The following PCDH11X variants were observed in gnomAD, a reference collection of about 807,000 sequenced individuals.
PCDH11X encodes protocadherin-11 X-linked.
Under a neutral mutation model 53.3 loss-of-function variants are expected in PCDH11X, and 18 were observed. The observed-to-expected ratio is 0.34, with a 90% CI of 0.23 to 0.50. PCDH11X has a LOEUF of 0.50. Ranked by LOEUF, PCDH11X falls within the 20% of genes least tolerant of loss-of-function variation. The pLI is 0.98. For missense variants in PCDH11X, 570 were observed against 1,032.4 expected (o/e 0.55, Z 6.14); for synonymous variants, 279 against 393.3 (o/e 0.71, Z 3.44).
intron 6 of PCDH11X, among the ~76,000 whole-genome samples, chrX:91,885,319 T>C (rs964317771): frequency 9.8e-5 from 11 of 111,806 alleles, no homozygotes; most frequent in Non-Finnish European, 2.1e-4. Context: ...TTCAGTTTAG[T>C]TCAAATCATT....
chrX:92,228,114 A>G (rs1466722375), intron 7 of PCDH11X, among the ~76,000 whole-genome samples: 6 of 111,559 alleles, frequency 5.4e-5, no homozygotes, highest in African/African-American at 2.0e-4. Context: ...TGCAGCCAAA[A>G]CATGTTGATC....
At chrX:92,458,650 C>T (rs1327190409) in intron 9 of PCDH11X, among the ~76,000 whole-genome samples, 1 of 111,501 alleles carries the variant, frequency 9.0e-6, no homozygotes. Context: ...CTGTGTCTGA[C>T]TTAATTCACT....
chrX:91,903,255 A>T (rs936264538), intron 6 of PCDH11X, among the ~76,000 whole-genome samples: 5 of 111,434 alleles, frequency 4.5e-5, no homozygotes, highest in African/African-American at 1.6e-4. Flanking sequence ...GGCATTCATC[A>T]TATCTCTAAT....
At chrX:92,458,454 C>A (rs1178692421) in intron 9 of PCDH11X, among the ~76,000 whole-genome samples, 5 of 109,225 alleles carry the variant, frequency 4.6e-5, no homozygotes, top group Non-Finnish European at 9.5e-5. Flanking sequence ...ATTGTGCCAC[C>A]AAATACTAGA....
chrX:92,420,167 A>C (rs2071929944), intron 9 of PCDH11X, among the ~76,000 whole-genome samples: 1 of 111,889 alleles, frequency 8.9e-6, no homozygotes, highest in Non-Finnish European at 1.9e-5. Context: ...AAAATGTGGA[A>C]GTTTTACCAT....
intron 6 of PCDH11X, among the ~76,000 whole-genome samples, chrX:91,963,220 T>C (rs2061816568): frequency 9.0e-6 from 1 of 111,313 alleles, no homozygotes; most frequent in African/African-American, 3.3e-5. Flanking sequence ...GCTTCCCTTT[T>C]CAACATAAGT....
chrX:92,444,516 G>A (rs1188827680), intron 9 of PCDH11X, among the ~76,000 whole-genome samples: 1 of 107,943 alleles, frequency 9.3e-6, no homozygotes, highest in Non-Finnish European at 1.9e-5. Flanking sequence ...TTTCCTATTT[G>A]GTTGACTTTT....
intron 6 of PCDH11X, among the ~76,000 whole-genome samples, chrX:92,190,639 G>A (rs193275384): frequency 7.2e-5 from 8 of 111,560 alleles, no homozygotes; most frequent in African/African-American, 2.6e-4. Flanking sequence ...ATGAGAAAGT[G>A]TTTTGTTTCT....
chrX:91,985,872 G>A (rs2062220533), intron 6 of PCDH11X, among the ~76,000 whole-genome samples: 1 of 105,659 alleles, frequency 9.5e-6, no homozygotes, highest in African/African-American at 3.5e-5. Context: ...TTAAATGCTA[G>A]TATGGAAAAT....
At chrX:92,085,168 G>A (rs866941566) in intron 6 of PCDH11X, among the ~76,000 whole-genome samples, 49 of 110,607 alleles carry the variant, frequency 4.4e-4, no homozygotes, top group Middle Eastern at 4.7e-3. Flanking sequence ...ATTTGGCATG[G>A]TCTGATCAGT....
chrX:92,149,430 A>ACTCTCT (rs199657624), intron 6 of PCDH11X, among the ~76,000 whole-genome samples: 14 of 80,375 alleles, frequency 1.7e-4, no homozygotes, highest in African/African-American at 5.6e-4. Context: ...TCTTTCTCTC[A>ACTCTCT]CTCTCTCTCT....
chrX:92,067,946 C>T (rs1202198277), intron 6 of PCDH11X, among the ~76,000 whole-genome samples: 1 of 110,729 alleles, frequency 9.0e-6, no homozygotes, highest in African/African-American at 3.3e-5. Flanking sequence ...AATTTAAAGG[C>T]ATGTAGTTGC....
chrX:91,955,384 C>T (rs193166073), intron 6 of PCDH11X, among the ~76,000 whole-genome samples: 1,113 of 110,142 alleles, frequency 0.01, 4 homozygotes, highest in Non-Finnish European at 0.016. Flanking sequence ...AGTTGGGTAG[C>T]ATGATGCCTC....
chrX:92,404,535 A>T (rs190397867), intron 9 of PCDH11X, among the ~76,000 whole-genome samples: 1 of 110,873 alleles, frequency 9.0e-6, no homozygotes, highest in Non-Finnish European at 1.9e-5. Flanking sequence ...AATCAGAAAA[A>T]TTTATACAAG....
intron 7 of PCDH11X, among the ~76,000 whole-genome samples, chrX:92,218,922 A>T (rs1459245593): frequency 8.9e-6 from 1 of 111,833 alleles, no homozygotes; most frequent in Non-Finnish European, 1.9e-5. Flanking sequence ...AATCCAGCAT[A>T]TAAACAGAAC....
At chrX:91,893,347 ATT>A (rs58312535) in intron 6 of PCDH11X, among the ~76,000 whole-genome samples, 9 of 88,668 alleles carry the variant, frequency 1.0e-4, no homozygotes, top group African/African-American at 2.1e-4. Context: ...AGAGAACCGC[ATT>A]TTTTTTTTTT....
At chrX:92,059,626 C>T (rs188904742) in intron 6 of PCDH11X, among the ~76,000 whole-genome samples, 252 of 110,847 alleles carry the variant, frequency 2.3e-3, no homozygotes, top group Non-Finnish European at 3.5e-3. Flanking sequence ...TACCTTGGTT[C>T]CTTATATTTT....
intron 6 of PCDH11X, among the ~76,000 whole-genome samples, chrX:92,056,042 G>A (rs2063444354): frequency 9.1e-6 from 1 of 109,611 alleles, no homozygotes; most frequent in African/African-American, 3.3e-5. Context: ...TATTCCTTTT[G>A]GTATATACTT....
At chrX:92,312,157 A>T (rs1217265065) in intron 8 of PCDH11X, among the ~76,000 whole-genome samples, 2 of 111,291 alleles carry the variant, frequency 1.8e-5, no homozygotes, top group East Asian at 5.6e-4. Context: ...GACTTTTTCC[A>T]TTGGTGGTAA....
Sources: gnomAD v4.1 joint callset for allele counts (sites outside exome capture counted in the v4.1 genomes callset) on GRCh38, gnomAD v4.1.1 for gene constraint, MANE v1.5 for transcripts, NCBI Gene and HGNC (gene_info 2026-07-23, HGNC 2026-07-21) for gene names.